Variants in ZNF891 observed in about 807,000 individuals in gnomAD.
ZNF891 encodes the protein hCG1646157.
For missense variants in ZNF891, 589 were observed against 632.7 expected (o/e 0.93, Z 0.74); for synonymous variants, 199 against 209.0 (o/e 0.95, Z 0.41).
chr12:133,124,403 T>C (rs1232921937), intron 1 of ZNF891, among the ~76,000 whole-genome samples: 1 of 152,074 alleles, frequency 6.6e-6, no homozygotes, highest in African/African-American at 2.4e-5. Context: ...ATGTGAGATA[T>C]AATGAATGAT....
rs1430641448 is a variant in ZNF891, at chr12:133,118,207, C to T, written c.*2077G>A. ...CGCCTGCCTCAGCCTCTCAAAGTGC[C>T]AGGATTACAGGCGTGAACCACCACA... On this transcript the variant is annotated 3_prime_UTR_variant, in exon 2 of 2. Transcript: ENST00000537226. 1 of 152,068 alleles carries T rather than the reference C, an allele frequency of 6.6e-6. No homozygotes were observed. The highest frequency in any genetic ancestry group is 2.4e-5 in the African/African-American group (1 of 41,358). 9.4% of individuals were successfully genotyped at this position (152,068 alleles called of 1,614,324 possible).
chr12:133,106,623 A>G lies in ZNF891; in HGVS notation c.*13661T>C. ...TATGAATATGAAAATTCATTTAATT[A>G]CCACTCATTCCTTACTGAACACCAG... On this transcript the variant is annotated 3_prime_UTR_variant, in exon 2 of 2. Transcript: ENST00000537226. 1 of 1,601,744 alleles carries G rather than the reference A, an allele frequency of 6.2e-7. No individual in the cohort carries two copies. The highest frequency in any genetic ancestry group is 8.5e-7 in the Non-Finnish European group (1 of 1,176,090).
chr12:133,124,849 G>A lies in ZNF891; in HGVS notation c.-106-2825C>T, dbSNP rs190613752. Among the ~76,000 whole-genome samples, 164 of 150,834 alleles carry A rather than the reference G, an allele frequency of 1.1e-3. 1 individual carries two copies. The highest frequency in any genetic ancestry group is 3.6e-3 in the African/African-American group (150 of 41,166). ...GTGTGTGTGTTAACCACTCAAGATA[G>A]TTCCTGAAGGAACTACTAAAAGGAT... On this transcript the variant is annotated intron_variant, in intron 1 of 1. Coordinates refer to ENST00000537226, the MANE Select transcript of ZNF891 (RefSeq NM_001277291.2).
chr12:133,122,014 C>G lies in ZNF891; in HGVS notation c.-96G>C. The G allele has an allele frequency of 7.2e-7, 1 of 1,397,098 alleles. No individual in the cohort carries two copies. The highest frequency in any genetic ancestry group is 9.3e-7 in the Non-Finnish European group (1 of 1,078,388). The allele number at this position is 1,397,098 out of a possible 1,614,324, so 86.5% of individuals were successfully genotyped here. On this transcript the variant is annotated 5_prime_UTR_variant, in exon 2 of 2. Transcript: ENST00000537226. ...AGTCACAGGAGGGATGCATTTCACC[C>G]GAAGTTCTCCCTGTAGCCAAAGAAG...
chr12:133,111,117 A>G lies in ZNF891; in HGVS notation c.*9167T>C, dbSNP rs1487984124. ...GAAGAAAGAGTCTGAGTCCTTAGCA[A>G]CTCATTCAAAAAGTCTGCCTTTAAA... On this transcript the variant is annotated 3_prime_UTR_variant, in exon 2 of 2. Transcript: ENST00000537226. 2.6e-5 allele frequency: 4 copies of G among 152,318 alleles called. No individual in the cohort carries two copies. The highest frequency in any genetic ancestry group is 1.9e-4 in the East Asian group (1 of 5,178). The allele number at this position is 152,318 out of a possible 1,614,324, so 9.4% of individuals were successfully genotyped here. A position where few individuals can be genotyped will look rare whatever the true frequency, so the allele number is the denominator to read the frequency against.
Position 133,113,154 on chromosome 12 carries a change from A to T in ZNF891, c.*7130T>A, listed in dbSNP as rs927546360. The T allele has an allele frequency of 1.3e-5, 2 of 150,188 alleles. No homozygotes were observed. Among genetic ancestry groups the T allele is most frequent in the African/African-American group, 2.4e-5 (1 of 41,184 alleles). The allele number at this position is 150,188 out of a possible 1,614,324, so 9.3% of individuals were successfully genotyped here. A position where few individuals can be genotyped will look rare whatever the true frequency, so the allele number is the denominator to read the frequency against. ...TTTCAATTTTTTTAATCTGGTATTTAAAAAAATGAAAAGAATCTATGTGTC... is the reference window on the plus strand; with the variant it reads ...TTTCAATTTTTTTAATCTGGTATTTTAAAAAATGAAAAGAATCTATGTGTC... On this transcript the variant is annotated 3_prime_UTR_variant, in exon 2 of 2. Transcript: ENST00000537226.
rs2137614674 is a variant in ZNF891 at position 133,117,297 on chromosome 12, A to G, written c.*2987T>C. 6.6e-6 allele frequency: 1 copy of G among 152,372 alleles called. No homozygotes were observed. Among genetic ancestry groups the G allele is most frequent in the South Asian group, 2.1e-4 (1 of 4,832 alleles). 9.4% of individuals were successfully genotyped at this position (152,372 alleles called of 1,614,324 possible). On this transcript the variant is annotated 3_prime_UTR_variant, in exon 2 of 2. Coordinates refer to ENST00000537226, the MANE Select transcript of ZNF891 (RefSeq NM_001277291.2). ...GGGATAAGTAGTTTTGTAGCTAAAT[A>G]CAATACTACTGTTAGCAAAACTGAA...
rs1026015385 is a variant in ZNF891, at chr12:133,112,771, A to G, written c.*7513T>C. 1 of 152,252 alleles carries G rather than the reference A, an allele frequency of 6.6e-6. No homozygotes were observed. Among genetic ancestry groups the G allele is most frequent in the Non-Finnish European group, 1.5e-5 (1 of 68,046 alleles). The allele number at this position is 152,252 out of a possible 1,614,324, so 9.4% of individuals were successfully genotyped here. ...TTCAAAAAGTTTGCCTTTAAAAAGT[A>G]GGAGATAGAAATGGTAAGTTAAAAA... On this transcript the variant is annotated 3_prime_UTR_variant, in exon 2 of 2. Transcript: ENST00000537226.
At chr12:133,123,570 T>C (rs549428605) in intron 1 of ZNF891, among the ~76,000 whole-genome samples, 11 of 151,926 alleles carry the variant, frequency 7.2e-5, no homozygotes, top group African/African-American at 2.7e-4. Context: ...TAGCCAACCA[T>C]GGTGGCATGC....
rs1279907899 is a variant in ZNF891, at chr12:133,117,154, T to C, written c.*3130A>G. The C allele has an allele frequency of 6.6e-6, 1 of 152,222 alleles. No homozygotes were observed. Among genetic ancestry groups the C allele is most frequent in the African/African-American group, 2.4e-5 (1 of 41,440 alleles). The allele number at this position is 152,222 out of a possible 1,614,324, so 9.4% of individuals were successfully genotyped here. A position where few individuals can be genotyped will look rare whatever the true frequency, so the allele number is the denominator to read the frequency against. ...AGAGATCTTCTTCACTAAAACCTCC[T>C]TGCAGAATTTCATCCACCTTCCTCT... On this transcript the variant is annotated 3_prime_UTR_variant, in exon 2 of 2. Transcript: ENST00000537226.
Position 133,105,271 on chromosome 12 carries a change from T to C in ZNF891, c.*15013A>G, listed in dbSNP as rs1396463118. On this transcript the variant is annotated 3_prime_UTR_variant, in exon 2 of 2. Coordinates refer to ENST00000537226, the MANE Select transcript of ZNF891 (RefSeq NM_001277291.2). The stretch of plus-strand genomic sequence containing the variant: ...TCACAAATATTTCCTGATAGCTCTA[T>C]TTTCCCTGCTCTTTCAATTACTTAC... Among the ~76,000 whole-genome samples, 2 of 152,198 alleles carry C rather than the reference T, an allele frequency of 1.3e-5. No individual in the cohort carries two copies. The highest frequency in any genetic ancestry group is 4.8e-5 in the African/African-American group (2 of 41,454).
At position 133,120,955 on chromosome 12, in the gene ZNF891, ATTCATG is replaced by A; in HGVS notation, c.958_963del (p.His320_Glu321del). ...TTGAAGGCTTTTCCACATTGATTGC[ATTCATG>A]TTTCTTTTCAGTATGAGTTTGTCCT... On this transcript the variant is annotated inframe_deletion, in exon 2 of 2. Transcript: ENST00000537226. 1.3e-6 allele frequency: 2 copies of A among 1,535,930 alleles called. No homozygotes were observed. The highest frequency in any genetic ancestry group is 1.7e-6 in the Non-Finnish European group (2 of 1,146,812).
In ZNF891 at chr12:133,117,789, A is replaced by G. The variant is rs572241707; in HGVS notation, c.*2495T>C. 2 of 152,330 alleles carry G rather than the reference A, an allele frequency of 1.3e-5. No individual in the cohort carries two copies. The highest frequency in any genetic ancestry group is 4.1e-4 in the South Asian group (2 of 4,830). The allele number at this position is 152,330 out of a possible 1,614,324, so 9.4% of individuals were successfully genotyped here. ...ACTTCTTTGCCCTTTATTGATTCCT[A>G]AAGTCAGCCCAATCTAGCAACCATC... On this transcript the variant is annotated 3_prime_UTR_variant, in exon 2 of 2. Transcript: ENST00000537226.
In ZNF891 at chr12:133,120,423, A is replaced by G. The variant is rs1955743784; in HGVS notation, c.1496T>C (p.Val499Ala). ...CACATGCCTCCTAAGGGAAGAGGAAACACTGAAGGCTTTCCTACATTCCTT... is the reference window on the plus strand; with the variant it reads ...CACATGCCTCCTAAGGGAAGAGGAAGCACTGAAGGCTTTCCTACATTCCTT... Reference protein sequence around the residue: ...ECKECRKAFSVSSSLRRHVRI... With the variant: ...ECKECRKAFSASSSLRRHVRI... The change falls in exon 2 of 2, where the codon GTT becomes GCT. Residue 499 changes from valine (V) to alanine (A), a missense_variant. Coordinates refer to ENST00000537226, the MANE Select transcript of ZNF891 (RefSeq NM_001277291.2). The G allele has an allele frequency of 6.2e-7, 1 of 1,601,198 alleles. No homozygotes were observed. The highest frequency in any genetic ancestry group is 1.1e-5 in the South Asian group (1 of 89,816).
In ZNF891 at chr12:133,108,751, T is replaced by C. The variant is rs929379956; in HGVS notation, c.*11533A>G. 3 of 152,252 alleles carry C rather than the reference T, an allele frequency of 2.0e-5. No homozygotes were observed. The highest frequency in any genetic ancestry group is 7.2e-5 in the African/African-American group (3 of 41,472). 9.4% of individuals were successfully genotyped at this position (152,252 alleles called of 1,614,324 possible). ...TGATACAAACACAGTGATTTGGGAA[T>C]GCCTTCAATTACAATGCAATACTTA... On this transcript the variant is annotated 3_prime_UTR_variant, in exon 2 of 2. Transcript: ENST00000537226.
At position 133,117,637 on chromosome 12, in the gene ZNF891, C is replaced by T. The variant is rs1222901310; in HGVS notation, c.*2647G>A. On this transcript the variant is annotated 3_prime_UTR_variant, in exon 2 of 2. Coordinates refer to ENST00000537226, the MANE Select transcript of ZNF891 (RefSeq NM_001277291.2). Reference sequence around the variant, plus strand: ...CTGCATATTAAACCTCACCATACTACATTCATCACATTAGAATTCAAACAT... The same window carrying T: ...CTGCATATTAAACCTCACCATACTATATTCATCACATTAGAATTCAAACAT... 2.0e-5 allele frequency: 3 copies of T among 152,208 alleles called. No individual in the cohort carries two copies. Among genetic ancestry groups the T allele is most frequent in the Non-Finnish European group, 2.9e-5 (2 of 68,030 alleles). 9.4% of individuals were successfully genotyped at this position (152,208 alleles called of 1,614,324 possible).
Position 133,109,707 on chromosome 12 carries a change from A to T in ZNF891, c.*10577T>A, listed in dbSNP as rs1955667256. 1.3e-5 allele frequency: 2 copies of T among 152,190 alleles called. No individual in the cohort carries two copies. The highest frequency in any genetic ancestry group is 2.9e-5 in the Non-Finnish European group (2 of 68,036). The allele number at this position is 152,190 out of a possible 1,614,324, so 9.4% of individuals were successfully genotyped here. On this transcript the variant is annotated 3_prime_UTR_variant, in exon 2 of 2. Coordinates refer to ENST00000537226, the MANE Select transcript of ZNF891 (RefSeq NM_001277291.2). ...TAGCATTCTTATGCTAAAAGAAATA[A>T]TTTTTCAGGCAGTATGAAATGATCT...
chr12:133,129,828 G>A (rs891574166), intron 1 of ZNF891, among the ~76,000 whole-genome samples: 4 of 152,122 alleles, frequency 2.6e-5, no homozygotes, highest in Middle Eastern at 3.2e-3. Flanking sequence ...GGCAATAGGT[G>A]AAAAAAACGA....
At chr12:133,129,502 C>CAA (rs35653414) in intron 1 of ZNF891, among the ~76,000 whole-genome samples, 29,187 of 92,320 alleles carry the variant, frequency 0.32, 3,836 homozygotes, top group Non-Finnish European at 0.37. Context: ...AACTCTGTCT[C>CAA]AAAAAAAAAA....
Sources: gnomAD v4.1 joint callset for allele counts (sites outside exome capture counted in the v4.1 genomes callset) on GRCh38, gnomAD v4.1.1 for gene constraint, MANE v1.5 for transcripts, NCBI Gene and HGNC (gene_info 2026-07-23, HGNC 2026-07-21) for gene names.